The following PYGM variants were observed in gnomAD, a reference collection of about 807,000 sequenced individuals.
PYGM encodes the protein glycogen phosphorylase, muscle form.
PYGM carries 81 observed loss-of-function variants against 99.3 expected under a neutral mutation model. That is an observed-to-expected ratio of 0.82 (90% CI 0.68 to 0.98). PYGM has a LOEUF of 0.98. PYGM is among the 50% of genes least tolerant of loss of function. The pLI is 0.00. For synonymous variants in PYGM, 436 were observed against 451.5 expected (o/e 0.97, Z 0.44); for missense variants, 1,030 against 1,158.1 (o/e 0.89, Z 1.61).
At chr11:64,759,991 A>G, upstream of PYGM, 1 of 1,555,838 alleles carries the variant, frequency 6.4e-7, no homozygotes, top group Non-Finnish European at 8.7e-7. Context: ...CCCCAGCCTC[A>G]AGGGGATTTA....
intron 17 of PYGM, chr11:64,747,826 G>A (rs2058325722): frequency 4.1e-6 from 1 of 241,298 alleles, no homozygotes; most frequent in Non-Finnish European, 8.3e-6. Context: ...ATCATCTGAG[G>A]AGGTCAGGAG....
chr11:64,752,205 G>A, intron 13 of PYGM, 134 bp from the exon 14 acceptor site: 2 of 1,376,542 alleles, frequency 1.5e-6, no homozygotes, highest in Non-Finnish European at 2.1e-6. Flanking sequence ...CCTGTACCAG[G>A]GCAGACATTG....
intron 14 of PYGM, 63 bp downstream of exon 14, chr11:64,751,861 A>G: frequency 6.2e-7 from 1 of 1,602,888 alleles, no homozygotes; most frequent in Non-Finnish European, 8.5e-7. Flanking sequence ...GTTGGGCAAT[A>G]TGTACTATGC....
intron 10 of PYGM, 34 bp from the exon 11 acceptor site, chr11:64,753,716 C>A: frequency 6.3e-7 from 1 of 1,584,830 alleles, no homozygotes. Context: ...AGAACCAGAC[C>A]CAGGAACCCC....
At chr11:64,752,958 G>T in intron 12 of PYGM, 115 bp downstream of exon 12, 1 of 986,932 alleles carries the variant, frequency 1.0e-6, no homozygotes, top group Non-Finnish European at 1.6e-6. Flanking sequence ...CAGTGCAGGA[G>T]GGATTTCAGC....
chr11:64,757,662 C>A (rs2058402119), intron 5 of PYGM, 117 bp downstream of exon 5: 3 of 1,461,100 alleles, frequency 2.1e-6, no homozygotes, highest in African/African-American at 1.4e-5. Flanking sequence ...AGTCACTTAA[C>A]CTCTCTGAGC....
Position 64,751,662 on chromosome 11 carries a change from A to G in PYGM, c.1769-7T>C, listed in dbSNP as rs2058357396. On this transcript the variant is annotated splice_region_variant and splice_polypyrimidine_tract_variant and intron_variant, in intron 14 of 19. Coordinates refer to ENST00000164139, the MANE Select transcript of PYGM (RefSeq NM_005609.4). ...TTGGGCTCCCTCTTGATGCCTGTGGAGAAACGAGAGGGATCCAGTGGGCCT... is the reference window on the plus strand; with the variant it reads ...TTGGGCTCCCTCTTGATGCCTGTGGGGAAACGAGAGGGATCCAGTGGGCCT... 1.3e-5 allele frequency: 21 copies of G among 1,613,970 alleles called. No homozygotes were observed. In the East Asian group the frequency reaches 4.7e-4, roughly 36 times the overall value.
rs963233448 is a variant in PYGM, at chr11:64,753,728, A to G, written c.1240-46T>C. ...GCTAGAACCAGACCCAGGAACCCCC[A>G]TCCCCAGTCCCCAGCCCCACACCCC... On this transcript the variant is annotated intron_variant, in intron 10 of 19. Coordinates refer to ENST00000164139, the MANE Select transcript of PYGM (RefSeq NM_005609.4). The G allele has an allele frequency of 6.5e-6, 10 of 1,534,702 alleles. No individual in the cohort carries two copies. In the Admixed American group the frequency reaches 1.5e-4, roughly 23 times the overall value.
chr11:64,758,270 G>A lies in PYGM; in HGVS notation c.504C>T (p.Asn168=), dbSNP rs2135840016. ...CCTGCCAGCCCCCGGAGATCTTCTG[G>A]TTAAAAATCCCAAACTCATAGCGAA... ...YGIRYEFGIF[N]QKISGGWQME... is the part of the protein sequence containing the mutation. Residue 168 remains asparagine, a synonymous_variant, in exon 4 of 20, where the codon AAC becomes AAT. Transcript: ENST00000164139. 1 of 1,613,890 alleles carries A rather than the reference G, an allele frequency of 6.2e-7. No homozygotes were observed. Among genetic ancestry groups the A allele is most frequent in the Non-Finnish European group, 8.5e-7 (1 of 1,179,812 alleles).
In PYGM at chr11:64,754,030, C is replaced by T. The variant is rs745663647; in HGVS notation, c.1093-5G>A. On this transcript the variant is annotated splice_polypyrimidine_tract_variant and splice_region_variant and intron_variant, in intron 9 of 19. Transcript: ENST00000164139. The surrounding 1 kb of genome is among the most constrained non-coding windows in gnomAD (Gnocchi z 5.5). ...CCTCACTGTCACATCCCACGCCTGGCACACGGGGTGGGCAGTCAGGATGCT... is the reference window on the plus strand; with the variant it reads ...CCTCACTGTCACATCCCACGCCTGGTACACGGGGTGGGCAGTCAGGATGCT... 14 of 1,598,604 alleles carry T rather than the reference C, an allele frequency of 8.8e-6. No individual in the cohort carries two copies. In the East Asian group the frequency reaches 3.2e-4, roughly 36 times the overall value.
In PYGM at chr11:64,758,479, C is replaced by T. The variant is rs1306098829; in HGVS notation, c.382G>A (p.Glu128Lys). ...CCCCCGTTGCCCAGCCCCGCATCCT[C>T]CTCAATTTCCTCCAGCTCCTCCATG... Reference protein sequence around the residue: ...LDMEELEEIEEDAGLGNGGLG... With the variant: ...LDMEELEEIEKDAGLGNGGLG... Residue 128 changes from glutamate (E) to lysine (K), a missense_variant, in exon 3 of 20, where the codon GAG becomes AAG. Glu to Lys is a moderately conservative substitution (Grantham distance 56). Coordinates refer to ENST00000164139, the MANE Select transcript of PYGM (RefSeq NM_005609.4). 1.9e-6 allele frequency: 3 copies of T among 1,613,986 alleles called. No individual in the cohort carries two copies. The highest frequency in any genetic ancestry group is 2.5e-6 in the Non-Finnish European group (3 of 1,180,020).
chr11:64,750,961 G>A lies in PYGM; in HGVS notation c.1969+364C>T, dbSNP rs187182392. 4.5e-3 allele frequency among the ~76,000 whole-genome samples: 687 copies of A among 152,244 alleles called. 1 individual carries two copies. The highest frequency in any genetic ancestry group is 6.7e-3 in the Non-Finnish European group (458 of 68,008). Reference sequence around the variant, plus strand: ...GGCTGAAGTGCAATGGCGTGATCTCGGCTCACTGCAACCTCCGCCTCCCAG... The same window carrying A: ...GGCTGAAGTGCAATGGCGTGATCTCAGCTCACTGCAACCTCCGCCTCCCAG... On this transcript the variant is annotated intron_variant, in intron 16 of 19. Coordinates refer to ENST00000164139, the MANE Select transcript of PYGM (RefSeq NM_005609.4).
In PYGM at chr11:64,746,600, G is replaced by C. The variant is rs779722312; in HGVS notation, c.*59C>G. ...ACCCCACCCTCTGCATGAGGTGCTG[G>C]GGCTGGCCCAAGAGAGTGTGACAGA... On this transcript the variant is annotated 3_prime_UTR_variant, in exon 20 of 20. Transcript: ENST00000164139. The C allele has an allele frequency of 1.4e-5, 23 of 1,608,320 alleles. No homozygotes were observed. The highest frequency in any genetic ancestry group is 1.9e-5 in the Non-Finnish European group (22 of 1,176,652).
chr11:64,748,369 A>C (rs977288981), intron 17 of PYGM: 5 of 152,202 alleles, frequency 3.3e-5, no homozygotes, highest in African/African-American at 1.2e-4. Context: ...CCCATGGGAC[A>C]GCCAGCTTTC....
chr11:64,755,202 T>C lies in PYGM; in HGVS notation c.855+71A>G. The C allele has an allele frequency of 1.3e-6, 2 of 1,521,376 alleles. No individual in the cohort carries two copies. Among genetic ancestry groups the C allele is most frequent in the Admixed American group, 1.7e-5 (1 of 59,732 alleles). The allele number at this position is 1,521,376 out of a possible 1,614,324, so 94.2% of individuals were successfully genotyped here. ...GTGACTAGGGCACCAGCAAGTGTCC[T>C]TCCCCAGCTCTCCCTGACCCCTGCT... On this transcript the variant is annotated intron_variant, in intron 7 of 19. Coordinates refer to ENST00000164139, the MANE Select transcript of PYGM (RefSeq NM_005609.4). The surrounding 1 kb of genome is among the most constrained non-coding windows in gnomAD (Gnocchi z 4.1).
At chr11:64,759,292 C>T (rs1312928256) in intron 1 of PYGM, among the ~76,000 whole-genome samples, 3 of 152,138 alleles carry the variant, frequency 2.0e-5, no homozygotes, top group Admixed American at 6.5e-5. Context: ...TGATCTCTGC[C>T]GCCCCAGCTG....
At position 64,753,688 on chromosome 11, in the gene PYGM, C is replaced by A; in HGVS notation, c.1240-6G>T. On this transcript the variant is annotated splice_region_variant and splice_polypyrimidine_tract_variant and intron_variant, in intron 10 of 19. Coordinates refer to ENST00000164139, the MANE Select transcript of PYGM (RefSeq NM_005609.4). ...GGGAATGCGGCCGCCACCCGCTGTG[C>A]CCAGAGAGCCCAGAGCTAGAACCAG... 6.2e-7 allele frequency: 1 copy of A among 1,603,596 alleles called. No homozygotes were observed. Among genetic ancestry groups the A allele is most frequent in the Non-Finnish European group, 8.5e-7 (1 of 1,177,636 alleles).
At position 64,753,215 on chromosome 11, in the gene PYGM, C is replaced by T. The variant is rs373349756; in HGVS notation, c.1404-28G>A. On this transcript the variant is annotated intron_variant, in intron 11 of 19. Coordinates refer to ENST00000164139, the MANE Select transcript of PYGM (RefSeq NM_005609.4). ...GCAGGATGAGGTTGGACGAGGGTCA[C>T]CACTCACCCCTGTACAATGAAGGCC... 44 of 1,559,282 alleles carry T rather than the reference C, an allele frequency of 2.8e-5. No individual in the cohort carries two copies. In the African/African-American group the frequency reaches 4.9e-4, roughly 17 times the overall value.
At chr11:64,752,103 C>T in intron 13 of PYGM, 32 bp from the exon 14 acceptor site, 1 of 1,613,906 alleles carries the variant, frequency 6.2e-7, no homozygotes. Context: ...GGCTCACCAA[C>T]AGGCCACAGC....
Sources: allele counts gnomAD v4.1 joint callset (sites outside exome capture counted in the v4.1 genomes callset), GRCh38; gene constraint gnomAD v4.1.1; non-coding constraint Gnocchi (gnomAD v3.1); transcripts MANE v1.5; gene names NCBI Gene and HGNC (gene_info 2026-07-23, HGNC 2026-07-21).